The following CWH43 variants were observed in gnomAD, a reference collection of about 807,000 sequenced individuals.
CWH43 encodes the protein cell wall biogenesis 43 C-terminal homolog.
Under a neutral mutation model 85.7 loss-of-function variants are expected in CWH43, and 91 were observed. That is an observed-to-expected ratio of 1.06 (90% CI 0.90 to 1.26). CWH43 has a LOEUF of 1.26. Among genes scored for constraint, CWH43 ranks in the 50% most tolerant of loss-of-function variants. CWH43 has a pLI of 0.00. For synonymous variants in CWH43, 323 were observed against 293.6 expected (o/e 1.10, Z -1.02); for missense variants, 869 against 839.2 (o/e 1.04, Z -0.44).
At chr4:49,044,489 C>A (rs1784560926) in intron 13 of CWH43, among the ~76,000 whole-genome samples, 1 of 152,154 alleles carries the variant, frequency 6.6e-6, no homozygotes, top group Non-Finnish European at 1.5e-5. Context: ...ACTTGGAAAG[C>A]TGCCAGGAGT....
Position 48,992,521 on chromosome 4 carries a change from GTT to G in CWH43, c.511+438_511+439del, listed in dbSNP as rs200694680. On this transcript the variant is annotated intron_variant, in intron 4 of 15. Coordinates refer to ENST00000226432, the MANE Select transcript of CWH43 (RefSeq NM_025087.3). This position sits in a 1 kb window ranked among gnomAD's most constrained non-coding sequence, Gnocchi z 4.3. ...TATGGCTGTCACTGGAACTCCCTGG[GTT>G]TTTTTTCCCAGAGGTCTGAAGCTCC... Among the ~76,000 whole-genome samples the G allele has an allele frequency of 1.5e-4, 23 of 152,030 alleles. No individual in the cohort carries two copies. The highest frequency in any genetic ancestry group is 5.1e-4 in the African/African-American group (21 of 41,440).
chr4:49,038,892 A>C (rs1172954664), intron 13 of CWH43, among the ~76,000 whole-genome samples: 1 of 151,312 alleles, frequency 6.6e-6, no homozygotes, highest in East Asian at 2.0e-4. Flanking sequence ...CCCCGTCTCT[A>C]CTAAAAATAC....
chr4:49,022,173 T>C (rs531540822), intron 9 of CWH43, among the ~76,000 whole-genome samples: 1 of 152,312 alleles, frequency 6.6e-6, no homozygotes, highest in East Asian at 1.9e-4. Context: ...CAGTATAATG[T>C]TGGCCGTGGG....
chr4:49,032,890 C>T (rs1398919780), intron 12 of CWH43, among the ~76,000 whole-genome samples, 175 bp downstream of exon 12: 4 of 152,188 alleles, frequency 2.6e-5, no homozygotes, highest in East Asian at 1.9e-4. Context: ...TGCAGGCAGC[C>T]GTTAGTGCTG....
chr4:49,002,178 G>A (rs1257639267), intron 6 of CWH43, among the ~76,000 whole-genome samples: 5 of 152,060 alleles, frequency 3.3e-5, no homozygotes, highest in African/African-American at 9.7e-5. Context: ...CTTGACATAA[G>A]AGTTGTGTTG....
At chr4:49,054,760 A>G (rs1447932591) in intron 15 of CWH43, among the ~76,000 whole-genome samples, 1 of 151,930 alleles carries the variant, frequency 6.6e-6, no homozygotes, top group Non-Finnish European at 1.5e-5. Flanking sequence ...TTTTGATGCT[A>G]TTGTAAATGG....
chr4:49,007,163 A>G, intron 7 of CWH43, 38 bp from the exon 8 acceptor site: 1 of 1,562,328 alleles, frequency 6.4e-7, no homozygotes, highest in Non-Finnish European at 8.6e-7. Context: ...GGATTTTTGG[A>G]TCAGACTATA....
At chr4:48,991,358 A>G in intron 2 of CWH43, 96 bp from the exon 3 acceptor site, 4 of 1,318,522 alleles carry the variant, frequency 3.0e-6, no homozygotes, top group Non-Finnish European at 4.2e-6. Context: ...CTTCCTGAGT[A>G]TAAAGATGGT....
chr4:49,044,686 A>G (rs1784566807), intron 13 of CWH43, 100 bp from the exon 14 acceptor site: 6 of 867,522 alleles, frequency 6.9e-6, no homozygotes, highest in Non-Finnish European at 1.1e-5. Flanking sequence ...AACAGCATGT[A>G]CAAAGAGATA....
rs150951348 is a variant in CWH43 at position 48,999,842 on chromosome 4, G to A, written c.802+1294G>A. 2.1e-3 allele frequency among the ~76,000 whole-genome samples: 323 copies of A among 152,214 alleles called. 1 individual carries two copies. The highest frequency in any genetic ancestry group is 0.017 in the Middle Eastern group (5 of 294). ...TAGGGTCCATGTCTGCTTACTCAAA[G>A]ACCTGACCCATCTCTTCCCAGTTAC... On this transcript the variant is annotated intron_variant, in intron 6 of 15. Coordinates refer to ENST00000226432, the MANE Select transcript of CWH43 (RefSeq NM_025087.3).
In CWH43 at chr4:49,007,239, G is replaced by T; in HGVS notation, c.1099G>T (p.Gly367Cys). 2 of 1,611,234 alleles carry T rather than the reference G, an allele frequency of 1.2e-6. No homozygotes were observed. The highest frequency in any genetic ancestry group is 2.2e-5 in the South Asian group (2 of 90,368). The change falls in exon 8 of 16, where the codon GGT becomes TGT. Residue 367 changes from glycine (G) to cysteine (C), a missense_variant. Around this residue, in one of 3 missense-constraint regions of CWH43, gnomAD observed 577 missense variants for 513.1 expected, o/e 1.12. Transcript: ENST00000226432. ...MLIIGLNMLF[G>C]PKKNLDLLLQ... ...AATTATCGGGCTGAATATGCTATTTGGTCCTAAGAAAAACCTTGACTTGCT... is the reference window on the plus strand; with the variant it reads ...AATTATCGGGCTGAATATGCTATTTTGTCCTAAGAAAAACCTTGACTTGCT...
chr4:49,003,662 C>A, intron 6 of CWH43, 73 bp from the exon 7 acceptor site: 1 of 1,512,134 alleles, frequency 6.6e-7, no homozygotes, highest in Non-Finnish European at 9.1e-7. Context: ...TGTTCTGGTC[C>A]TAAAGGCTAT....
At chr4:49,023,537 G>C (rs182378693) in intron 9 of CWH43, among the ~76,000 whole-genome samples, 66 of 152,222 alleles carry the variant, frequency 4.3e-4, no homozygotes, top group African/African-American at 1.5e-3. Flanking sequence ...ACCACATCCA[G>C]CTAAATTTTG....
At chr4:48,989,896 A>T (rs1297203950) in intron 2 of CWH43, among the ~76,000 whole-genome samples, 1 of 152,230 alleles carries the variant, frequency 6.6e-6, no homozygotes, top group Non-Finnish European at 1.5e-5. Context: ...AACTGAGTAA[A>T]TATTAATTGA....
At position 49,016,883 on chromosome 4, in the gene CWH43, T is replaced by C. The variant is rs150808554; in HGVS notation, c.1187-366T>C. ...GCCTTCTCTCCGAGTGCCCCAGGAC[T>C]ACCCACGTAGCTCTGCAGTCTTTGA... is the stretch of plus-strand genomic sequence containing the variant. On this transcript the variant is annotated intron_variant, in intron 8 of 15. Coordinates refer to ENST00000226432, the MANE Select transcript of CWH43 (RefSeq NM_025087.3). The C allele has an allele frequency of 1.0e-4, 82 of 785,096 alleles. No homozygotes were observed. In the African/African-American group the frequency reaches 1.3e-3, roughly 12 times the overall value. 48.6% of individuals were successfully genotyped at this position (785,096 alleles called of 1,614,324 possible). A position where few individuals can be genotyped will look rare whatever the true frequency, so the allele number is the denominator to read the frequency against.
At chr4:49,004,490 G>A (rs1560490528) in intron 7 of CWH43, among the ~76,000 whole-genome samples, 1 of 152,154 alleles carries the variant, frequency 6.6e-6, no homozygotes, top group South Asian at 2.1e-4. Context: ...GGGCTCAAGC[G>A]ATCCTTCTAC....
intron 12 of CWH43, among the ~76,000 whole-genome samples, chr4:49,035,610 T>G (rs1784240034): frequency 6.6e-6 from 1 of 152,194 alleles, no homozygotes; most frequent in African/African-American, 2.4e-5. Context: ...TTTTCCAGCT[T>G]ACTTTATAGG....
intron 8 of CWH43, among the ~76,000 whole-genome samples, chr4:49,008,012 G>T (rs1468934308): frequency 6.6e-6 from 1 of 152,148 alleles, no homozygotes; most frequent in African/African-American, 2.4e-5. Context: ...GGGTCAAATG[G>T]TATTTCTAGT....
rs559258127 is a variant in CWH43 at position 49,061,920 on chromosome 4, GA to G, written c.*34del. ...TTTAAAACAAGAAGTTATTGGCTGG[GA>G]AAATCTAAGAAAAAAAGTATGTAAG... is the stretch of plus-strand genomic sequence containing the variant. On this transcript the variant is annotated 3_prime_UTR_variant, in exon 16 of 16. Transcript: ENST00000226432. 95 of 1,285,676 alleles carry G rather than the reference GA, an allele frequency of 7.4e-5. No individual in the cohort carries two copies. In the South Asian group the frequency reaches 1.5e-3, roughly 20 times the overall value. 79.6% of individuals were successfully genotyped at this position (1,285,676 alleles called of 1,614,324 possible). A position where few individuals can be genotyped will look rare whatever the true frequency, so the allele number is the denominator to read the frequency against.
Sources: allele counts gnomAD v4.1 joint callset (sites outside exome capture counted in the v4.1 genomes callset), GRCh38; gene constraint gnomAD v4.1.1; regional missense constraint gnomAD v4.1.1; non-coding constraint Gnocchi (gnomAD v3.1); transcripts MANE v1.5; gene names NCBI Gene and HGNC (gene_info 2026-07-23, HGNC 2026-07-21).